Variants in SQOR observed in about 807,000 individuals in gnomAD.
SQOR encodes sulfide:quinone oxidoreductase, mitochondrial.
Under a neutral mutation model 48.6 loss-of-function variants are expected in SQOR, and 39 were observed. The observed-to-expected ratio is 0.80, with a 90% CI of 0.62 to 1.05. The LOEUF is 1.05. Among genes scored for constraint, SQOR ranks in the 50% least tolerant of loss-of-function variants. The pLI is 0.00. For missense variants in SQOR, 561 were observed against 559.9 expected, an observed-to-expected ratio of 1.00 and a Z score of -0.02; for synonymous variants, 220 against 206.2, an observed-to-expected ratio of 1.07 and a Z score of -0.57.
intron 1 of SQOR, among the ~76,000 whole-genome samples, chr15:45,644,734 T>C (rs674953): frequency 0.36 from 55,147 of 151,988 alleles, 11,202 homozygotes; most frequent in East Asian, 0.73. Flanking sequence ...AAGGGCTGGC[T>C]AGGTTTGGGA....
intron 1 of SQOR, among the ~76,000 whole-genome samples, chr15:45,639,466 C>A (rs1172286849): frequency 1.3e-5 from 2 of 152,256 alleles, no homozygotes; most frequent in African/African-American, 4.8e-5. Context: ...AGGGAACTTT[C>A]ATGCCACCTA....
At chr15:45,659,248 T>C (rs915606586) in intron 2 of SQOR, 91 bp downstream of exon 2, 8 of 1,080,492 alleles carry the variant, frequency 7.4e-6, no homozygotes, top group African/African-American at 3.2e-5. Context: ...TGGATATGAC[T>C]ATCAAGCAAT....
intron 2 of SQOR, among the ~76,000 whole-genome samples, chr15:45,659,546 G>A (rs1045459705): frequency 2.0e-5 from 3 of 152,156 alleles, no homozygotes; most frequent in East Asian, 3.9e-4. Flanking sequence ...TGGGCAGGTG[G>A]CTTTGTCTCA....
Position 45,684,592 on chromosome 15 carries a change from T to TTCTC in SQOR, c.1048+1949_1048+1952dup, listed in dbSNP as rs66499038. On this transcript the variant is annotated intron_variant, in intron 7 of 9. Coordinates refer to ENST00000260324, the MANE Select transcript of SQOR (RefSeq NM_021199.4). ...GACTTCCTCACTGGGTTAAGGGGTG[T>TTCTC]TCTCTCTCTCTCTCTCTCTCTTTTT... Among the ~76,000 whole-genome samples, 171 of 150,184 alleles carry TTCTC rather than the reference T, an allele frequency of 1.1e-3. No individual in the cohort carries two copies. The South Asian group carries it at 0.015, about 13-fold the overall frequency.
intron 6 of SQOR, among the ~76,000 whole-genome samples, chr15:45,678,591 G>A (rs1890075305): frequency 6.6e-6 from 1 of 151,818 alleles, no homozygotes; most frequent in Non-Finnish European, 1.5e-5. Context: ...TGGTGTCACA[G>A]GTTGTCCCAG....
intron 1 of SQOR, among the ~76,000 whole-genome samples, chr15:45,649,707 T>C (rs1042060846): frequency 1.3e-5 from 2 of 152,136 alleles, no homozygotes; most frequent in African/African-American, 4.8e-5. Context: ...AGTCTCAAAC[T>C]CCTGGCCTGA....
chr15:45,686,342 G>A (rs1372951922), intron 7 of SQOR, among the ~76,000 whole-genome samples: 2 of 152,040 alleles, frequency 1.3e-5, no homozygotes, highest in African/African-American at 4.8e-5. Context: ...AGTAGAGACG[G>A]GGTTTTACCA....
intron 2 of SQOR, among the ~76,000 whole-genome samples, chr15:45,661,176 G>A (rs1889710689): frequency 6.6e-6 from 1 of 151,718 alleles, no homozygotes; most frequent in African/African-American, 2.4e-5. Flanking sequence ...CAGCTACTCA[G>A]GAGGCTGAGG....
At chr15:45,689,709 C>T (rs931907785) in intron 9 of SQOR, among the ~76,000 whole-genome samples, 2 of 152,120 alleles carry the variant, frequency 1.3e-5, no homozygotes, top group African/African-American at 2.4e-5. Flanking sequence ...CATGAGCCAC[C>T]GCTCCTGGCC....
At chr15:45,688,174 C>T (rs531012283) in intron 7 of SQOR, among the ~76,000 whole-genome samples, 163 bp from the exon 8 acceptor site, 3 of 152,308 alleles carry the variant, frequency 2.0e-5, no homozygotes, top group Non-Finnish European at 4.4e-5. Context: ...AAAGAACCCC[C>T]TCCGGTAGTC....
chr15:45,659,211 A>AGTGTGT, intron 2 of SQOR, 54 bp downstream of exon 2: 4 of 1,099,238 alleles, frequency 3.6e-6, no homozygotes, highest in Non-Finnish European at 4.9e-6. Context: ...TGTGTGTGTG[A>AGTGTGT]GTGTGTGTGT....
At chr15:45,675,228 T>C (rs1182235674) in intron 5 of SQOR, among the ~76,000 whole-genome samples, 1 of 152,124 alleles carries the variant, frequency 6.6e-6, no homozygotes, top group Non-Finnish European at 1.5e-5. Flanking sequence ...AACTCTTTTC[T>C]CCCAAGTCTT....
At chr15:45,648,166 T>A (rs78295048) in intron 1 of SQOR, among the ~76,000 whole-genome samples, 1 of 149,206 alleles carries the variant, frequency 6.7e-6, no homozygotes. Context: ...GATAGTTTTT[T>A]GTTTTTTTGT....
rs11449007 is a variant in SQOR at position 45,690,082 on chromosome 15, C to CTTTTTTTTTTTT, written c.1295+870_1296-875dup. ...TAAAAACGAGTAATTCCTCTTCCTC[C>CTTTTTTTTTTTT]TTTTTTTTTTTTTTTTGGAGGCAAA... is the stretch of plus-strand genomic sequence containing the variant. On this transcript the variant is annotated intron_variant, in intron 9 of 9. Coordinates refer to ENST00000260324, the MANE Select transcript of SQOR (RefSeq NM_021199.4). 2.2e-5 allele frequency among the ~76,000 whole-genome samples: 3 copies of CTTTTTTTTTTTT among 137,018 alleles called. 1 individual carries two copies. Among genetic ancestry groups the CTTTTTTTTTTTT allele is most frequent in the Non-Finnish European group, 4.6e-5 (3 of 64,744 alleles). 89.9% of individuals were successfully genotyped at this position (137,018 alleles called of 152,430 possible). A position where few individuals can be genotyped will look rare whatever the true frequency, so the allele number is the denominator to read the frequency against.
chr15:45,659,006 G>T lies in SQOR; in HGVS notation c.83G>T (p.Gly28Val). Residue 28 changes from glycine (G) to valine (V), a missense_variant, in exon 2 of 10, where the codon GGC (glycine) becomes GTC (valine). Gly to Val is a moderately radical substitution (Grantham distance 109). Transcript: ENST00000260324. Reference sequence around the variant, plus strand: ...CTCAGGCTGGGCACTCAGCAGGTCGGCCCCCTTCAGCTGCACACCGGGGCC... The same window carrying T: ...CTCAGGCTGGGCACTCAGCAGGTCGTCCCCCTTCAGCTGCACACCGGGGCC... Reference protein sequence around the residue: ...CLLRLGTQQVGPLQLHTGASH... With the variant: ...CLLRLGTQQVVPLQLHTGASH... 1 of 1,602,400 alleles carries T rather than the reference G, an allele frequency of 6.2e-7. No individual in the cohort carries two copies.
chr15:45,636,395 ATTTC>A (rs1251230100), intron 1 of SQOR, among the ~76,000 whole-genome samples: 2 of 148,798 alleles, frequency 1.3e-5, no homozygotes, highest in African/African-American at 5.0e-5. Context: ...AATATCTGTA[ATTTC>A]TTTCTTCTTT....
chr15:45,674,911 G>A (rs1890008370), intron 5 of SQOR, among the ~76,000 whole-genome samples: 1 of 152,172 alleles, frequency 6.6e-6, no homozygotes, highest in African/African-American at 2.4e-5. Context: ...GGGAAGAAGG[G>A]TGGGGAAGAA....
Position 45,676,365 on chromosome 15 carries a change from T to C in SQOR, c.864+55T>C, listed in dbSNP as rs1334420491. The C allele has an allele frequency of 1.1e-5, 17 of 1,550,124 alleles. No homozygotes were observed. The Middle Eastern group carries it at 7.2e-4, about 65-fold the overall frequency. On this transcript the variant is annotated intron_variant, in intron 6 of 9. Transcript: ENST00000260324. ...AAGCGTTGTCTGCTGAAACGTGCCA[T>C]AGATACATGGGGGCTCACACCACCC...
intron 6 of SQOR, among the ~76,000 whole-genome samples, chr15:45,679,437 C>T (rs1476099183): frequency 1.3e-5 from 2 of 152,164 alleles, no homozygotes; most frequent in African/African-American, 4.8e-5. Context: ...GACGTGGTGG[C>T]TCAAGTCTAT....
Sources: gnomAD v4.1 joint callset for allele counts (sites outside exome capture counted in the v4.1 genomes callset) on GRCh38, gnomAD v4.1.1 for gene constraint, MANE v1.5 for transcripts, NCBI Gene and HGNC (gene_info 2026-07-23, HGNC 2026-07-21) for gene names.